The following RERE variants were observed in gnomAD, a reference collection of about 807,000 sequenced individuals.
RERE encodes arginine-glutamic acid dipeptide repeats protein.
A neutral mutation model predicts 146.1 loss-of-function variants in RERE; 40 were observed. The observed-to-expected ratio is 0.27, with a 90% CI of 0.21 to 0.36. The LOEUF (loss-of-function observed/expected upper bound fraction) is 0.36. Among genes scored for constraint, RERE ranks in the 10% least tolerant of loss-of-function variants. RERE has a pLI of 1.00. For synonymous variants in RERE, 1,003 were observed against 866.0 expected, an observed-to-expected ratio of 1.16 and a Z score of -2.78; for missense variants, 1,933 against 2,138.7, an observed-to-expected ratio of 0.90 and a Z score of 1.90.
At position 8,656,211 on chromosome 1, in the gene RERE, T is replaced by G. The variant is rs769364855; in HGVS notation, c.87A>C (p.Ala29=). The change falls in exon 2 of 23, where the codon GCA becomes GCC. Residue 29 remains alanine, a synonymous_variant. Transcript: ENST00000400908. ...RDREREKRDK[A]RESENSRPRR... ...GTGGCCTTGAATTCTCACTCTCTCT[T>G]GCTTTGTCTCTTTTCTCTCTCTCTC... The G allele has an allele frequency of 3.4e-5, 55 of 1,613,692 alleles. No homozygotes were observed. Among genetic ancestry groups the G allele is most frequent in the Middle Eastern group, 1.6e-4 (1 of 6,084 alleles).
chr1:8,520,704 G>T (rs1645481620), intron 7 of RERE, among the ~76,000 whole-genome samples: 1 of 132,856 alleles, frequency 7.5e-6, no homozygotes, highest in Non-Finnish European at 1.5e-5. Flanking sequence ...AGGGGCTGCG[G>T]CCTAACAAAG....
intron 1 of RERE, among the ~76,000 whole-genome samples, chr1:8,811,711 T>C (rs944107118): frequency 6.6e-6 from 1 of 152,202 alleles, no homozygotes; most frequent in Non-Finnish European, 1.5e-5. Context: ...TGAGCTAGAA[T>C]GGGTTTTTGT....
chr1:8,493,072 G>A (rs1222767889), intron 10 of RERE, among the ~76,000 whole-genome samples: 10 of 152,294 alleles, frequency 6.6e-5, no homozygotes, highest in East Asian at 1.9e-4. Flanking sequence ...GTGACAGAGC[G>A]AGACTTTGCC....
intron 1 of RERE, among the ~76,000 whole-genome samples, chr1:8,789,301 A>AAAAAAAAAAATATATATATATAT: frequency 8.1e-5 from 2 of 24,810 alleles, no homozygotes; most frequent in African/African-American, 2.3e-4. Flanking sequence ...AAAAAAAAAA[A>AAAAAAAAAAATATATATATATAT]ATATATATAT....
intron 6 of RERE, among the ~76,000 whole-genome samples, chr1:8,556,189 C>T (rs1306851477): frequency 1.3e-5 from 2 of 151,410 alleles, no homozygotes; most frequent in Non-Finnish European, 1.5e-5. Context: ...GCAAACAATA[C>T]CAGGATAATA....
chr1:8,654,030 T>TC (rs200086056), intron 2 of RERE, among the ~76,000 whole-genome samples: 378 of 137,118 alleles, frequency 2.8e-3, no homozygotes, highest in African/African-American at 0.011. Flanking sequence ...AGCACTGACT[T>TC]TTTTTTTTTT....
chr1:8,561,065 T>G (rs1009206379), intron 4 of RERE, among the ~76,000 whole-genome samples: 3 of 152,248 alleles, frequency 2.0e-5, no homozygotes, highest in Non-Finnish European at 4.4e-5. Context: ...GGTGATCTTC[T>G]GAAGTACAAT....
At chr1:8,494,452 C>T (rs1017115883) in intron 10 of RERE, among the ~76,000 whole-genome samples, 2 of 152,170 alleles carry the variant, frequency 1.3e-5, no homozygotes, top group East Asian at 3.9e-4. Context: ...AGAGGCCGGG[C>T]GTGGTGGCTC....
rs200688956 is a variant in RERE at position 8,497,363 on chromosome 1, T to C, written c.1004+42A>G. On this transcript the variant is annotated intron_variant, in intron 9 of 22. Transcript: ENST00000400908. ...GTTTACTGCCTATAATCAGTTCAGA[T>C]GGTCTAATTCAGAAAGCAGGATGGG... is the stretch of plus-strand genomic sequence containing the variant. 204 of 1,611,372 alleles carry C rather than the reference T, an allele frequency of 1.3e-4. 1 individual carries two copies. Among genetic ancestry groups the C allele is most frequent in the South Asian group, 4.4e-5 (4 of 90,952 alleles).
At chr1:8,772,551 G>A (rs1640973085) in intron 1 of RERE, among the ~76,000 whole-genome samples, 1 of 152,110 alleles carries the variant, frequency 6.6e-6, no homozygotes, top group Admixed American at 6.6e-5. Flanking sequence ...ACGGCAGGTG[G>A]ATCACCTGAG....
intron 11 of RERE, among the ~76,000 whole-genome samples, chr1:8,461,356 C>A (rs938146204): frequency 2.0e-5 from 3 of 151,994 alleles, no homozygotes; most frequent in African/African-American, 7.3e-5. Context: ...CTCTCAGAGG[C>A]AGAAGGCAGC....
chr1:8,573,547 T>C (rs1474027339), intron 4 of RERE, among the ~76,000 whole-genome samples: 3 of 152,198 alleles, frequency 2.0e-5, no homozygotes, highest in Admixed American at 6.5e-5. Context: ...ATTTTCCTGA[T>C]AGTAGACATT....
chr1:8,486,613 A>G (rs922536619), intron 10 of RERE, among the ~76,000 whole-genome samples: 4 of 152,078 alleles, frequency 2.6e-5, no homozygotes, highest in African/African-American at 7.2e-5. Context: ...AAAAAAATTA[A>G]TAACGAACAG....
chr1:8,393,001 C>A (rs1011065354), intron 12 of RERE, among the ~76,000 whole-genome samples: 2 of 152,110 alleles, frequency 1.3e-5, no homozygotes, highest in Non-Finnish European at 1.5e-5. Flanking sequence ...TGAAGATGTG[C>A]ACCAAAATAC....
At chr1:8,571,604 C>CTTATCTTAAATAA (rs1553186578) in intron 4 of RERE, among the ~76,000 whole-genome samples, 1 of 152,210 alleles carries the variant, frequency 6.6e-6, no homozygotes, top group Non-Finnish European at 1.5e-5. Flanking sequence ...ATCAGTCTGT[C>CTTATCTTAAATAA]TTATCTTAAA....
At chr1:8,531,822 G>T (rs1245886530) in intron 7 of RERE, among the ~76,000 whole-genome samples, 1 of 151,984 alleles carries the variant, frequency 6.6e-6, no homozygotes, top group African/African-American at 2.4e-5. Context: ...TGATTGCATG[G>T]GTACAAAAAA....
chr1:8,523,456 A>C (rs1247278315), intron 7 of RERE, among the ~76,000 whole-genome samples: 1 of 152,218 alleles, frequency 6.6e-6, no homozygotes, highest in East Asian at 1.9e-4. Context: ...ACAGAAGCAG[A>C]ACCATAAGCC....
intron 1 of RERE, among the ~76,000 whole-genome samples, chr1:8,711,546 T>A (rs1303589233): frequency 6.6e-6 from 1 of 152,144 alleles, no homozygotes; most frequent in Non-Finnish European, 1.5e-5. Flanking sequence ...GAGCGATACG[T>A]TGAAAAGCCA....
rs1176635924 is a variant in RERE, at chr1:8,724,875, T to TAAAAA, written c.-144-68439_-144-68435dup. ...TTACCTTTTATTTCTAGATACTTTG[T>TAAAAA]AAAAAAAAAAAAAAACAACTCAACC... On this transcript the variant is annotated intron_variant, in intron 1 of 22. Coordinates refer to ENST00000400908, the MANE Select transcript of RERE (RefSeq NM_001042681.2). 1.7e-3 allele frequency among the ~76,000 whole-genome samples: 206 copies of TAAAAA among 120,744 alleles called. 2 individuals carry two copies. Among genetic ancestry groups the TAAAAA allele is most frequent in the African/African-American group, 6.0e-3 (199 of 33,198 alleles). 79.2% of individuals were successfully genotyped at this position (120,744 alleles called of 152,430 possible).
Sources: gnomAD v4.1 joint callset for allele counts (sites outside exome capture counted in the v4.1 genomes callset) on GRCh38, gnomAD v4.1.1 for gene constraint, MANE v1.5 for transcripts, NCBI Gene and HGNC (gene_info 2026-07-23, HGNC 2026-07-21) for gene names.